The following KCTD16 variants were observed in gnomAD, a reference collection of about 807,000 sequenced individuals.
KCTD16 encodes potassium channel tetramerization domain containing 16.
In KCTD16, 13 loss-of-function variants were observed where a neutral mutation model predicts 33.2. The observed-to-expected ratio is 0.39, with a 90% CI of 0.25 to 0.62. The LOEUF is 0.62. Ranked by LOEUF, KCTD16 falls within the 20% of genes least tolerant of loss-of-function variation. KCTD16 has a pLI of 0.50. For missense variants in KCTD16, 441 were observed against 525.1 expected (o/e 0.84, Z 1.57); for synonymous variants, 197 against 195.3 (o/e 1.01, Z -0.07).
At chr5:144,355,846 G>A (rs572907316) in intron 3 of KCTD16, among the ~76,000 whole-genome samples, 1 of 152,156 alleles carries the variant, frequency 6.6e-6, no homozygotes, top group South Asian at 2.1e-4. Context: ...TGCTCAGAAT[G>A]TCCTTTTCGC....
At chr5:144,283,710 A>G (rs1755667671) in intron 3 of KCTD16, among the ~76,000 whole-genome samples, 1 of 152,212 alleles carries the variant, frequency 6.6e-6, no homozygotes, top group South Asian at 2.1e-4. Context: ...AAATTCCTTG[A>G]TGGAAATGAG....
chr5:144,334,274 G>C (rs1752425452), intron 3 of KCTD16, among the ~76,000 whole-genome samples: 1 of 152,190 alleles, frequency 6.6e-6, no homozygotes, highest in African/African-American at 2.4e-5. Flanking sequence ...ACACATAAAG[G>C]ATGGTGTCCT....
intron 3 of KCTD16, among the ~76,000 whole-genome samples, chr5:144,274,556 C>T (rs528661808): frequency 6.6e-6 from 1 of 152,266 alleles, no homozygotes; most frequent in African/African-American, 2.4e-5. Flanking sequence ...TATTCAGGGT[C>T]ATGACTACTC....
At chr5:144,418,027 C>T (rs1478720618) in intron 3 of KCTD16, among the ~76,000 whole-genome samples, 1 of 152,114 alleles carries the variant, frequency 6.6e-6, no homozygotes, top group Non-Finnish European at 1.5e-5. Context: ...GTCTTGCTGA[C>T]TTCAGGTGTG....
intron 2 of KCTD16, among the ~76,000 whole-genome samples, chr5:144,202,572 C>T (rs1182125782): frequency 6.6e-6 from 1 of 152,180 alleles, no homozygotes; most frequent in Non-Finnish European, 1.5e-5. Flanking sequence ...CCCCTGATCT[C>T]TCAGAAGGTG....
intron 3 of KCTD16, among the ~76,000 whole-genome samples, chr5:144,396,003 A>G (rs557370770): frequency 6.6e-6 from 1 of 152,340 alleles, no homozygotes; most frequent in East Asian, 1.9e-4. Flanking sequence ...GCAAGAGACT[A>G]TATGAATTGC....
chr5:144,391,532 G>A (rs948196892), intron 3 of KCTD16, among the ~76,000 whole-genome samples: 2 of 152,152 alleles, frequency 1.3e-5, no homozygotes, highest in African/African-American at 4.8e-5. Flanking sequence ...GAGACAGGAT[G>A]GTTTGTGGAA....
intron 3 of KCTD16, among the ~76,000 whole-genome samples, chr5:144,307,986 A>T (rs1179191837): frequency 2.0e-5 from 3 of 152,226 alleles, no homozygotes; most frequent in Non-Finnish European, 4.4e-5. Context: ...CCGAATGTTA[A>T]CCAGCACATT....
At chr5:144,274,074 T>G (rs1454825054) in intron 3 of KCTD16, among the ~76,000 whole-genome samples, 1 of 151,514 alleles carries the variant, frequency 6.6e-6, no homozygotes, top group East Asian at 1.9e-4. Flanking sequence ...CTTGGGCATT[T>G]TAAGAAAAAG....
chr5:144,299,092 C>CTATGTATATATATATATATATA (rs1561558302), intron 3 of KCTD16, among the ~76,000 whole-genome samples: 4 of 13,308 alleles, frequency 3.0e-4, no homozygotes, highest in African/African-American at 2.0e-3. Context: ...ATATATATCA[C>CTATGTATATATATATATATATA]TATGTATATA....
intron 3 of KCTD16, among the ~76,000 whole-genome samples, chr5:144,270,807 A>T (rs192356306): frequency 6.6e-6 from 1 of 151,920 alleles, no homozygotes; most frequent in Non-Finnish European, 1.5e-5. Flanking sequence ...AGAATACTCA[A>T]ATTACTAAAA....
rs142834500 is a variant in KCTD16, at chr5:144,448,518, AT to A, written c.833-25140del. 3.5e-3 allele frequency among the ~76,000 whole-genome samples: 531 copies of A among 152,170 alleles called. 2 individuals are homozygous for A. Among genetic ancestry groups the A allele is most frequent in the African/African-American group, 0.012 (512 of 41,546 alleles). ...TTTACCTCTCTGGTTGATGATTTAT[AT>A]TCGTAACACTGAGGCTGAAGTTGGA... On this transcript the variant is annotated intron_variant, in intron 3 of 3. Coordinates refer to ENST00000512467, the MANE Select transcript of KCTD16 (RefSeq NM_020768.4).
rs6864791 is a variant in KCTD16, at chr5:144,170,899, G to C, written c.-603G>C. ...GACCTAGGTGATGGAGGAAGACTGG[G>C]AGGCGCTAAAATGAGACAGACGGAG... is the stretch of plus-strand genomic sequence containing the variant. On this transcript the variant is annotated 5_prime_UTR_variant, in exon 1 of 4. Coordinates refer to ENST00000512467, the MANE Select transcript of KCTD16 (RefSeq NM_020768.4). The C allele has an allele frequency of 7.1e-6, 1 of 140,698 alleles. No individual in the cohort carries two copies. The highest frequency in any genetic ancestry group is 6.8e-5 in the Admixed American group (1 of 14,618). 8.7% of individuals were successfully genotyped at this position (140,698 alleles called of 1,614,324 possible).
intron 3 of KCTD16, chr5:144,369,372 C>G (rs1751915034): frequency 6.6e-6 from 1 of 152,168 alleles, no homozygotes. Flanking sequence ...CCCAGGTCCT[C>G]CGTATGAGAT....
chr5:144,221,773 TA>T (rs1437544689), intron 3 of KCTD16, among the ~76,000 whole-genome samples: 3 of 152,208 alleles, frequency 2.0e-5, no homozygotes, highest in African/African-American at 7.2e-5. Flanking sequence ...ATCCTTTGGG[TA>T]TATACCCAGT....
At chr5:144,322,527 A>T (rs1159453707) in intron 3 of KCTD16, among the ~76,000 whole-genome samples, 1 of 152,064 alleles carries the variant, frequency 6.6e-6, no homozygotes, top group African/African-American at 2.4e-5. Flanking sequence ...ACAAACAAAA[A>T]AAACAAAACA....
At chr5:144,300,142 A>G (rs952113465) in intron 3 of KCTD16, among the ~76,000 whole-genome samples, 11 of 152,136 alleles carry the variant, frequency 7.2e-5, no homozygotes, top group African/African-American at 2.7e-4. Flanking sequence ...TGTATTATTA[A>G]TATTACCAGA....
intron 3 of KCTD16, among the ~76,000 whole-genome samples, chr5:144,222,878 A>G (rs188617953): frequency 1.3e-5 from 2 of 152,348 alleles, no homozygotes; most frequent in East Asian, 3.9e-4. Flanking sequence ...AATAGCAAAG[A>G]CTTGGAACCA....
intron 3 of KCTD16, among the ~76,000 whole-genome samples, chr5:144,213,215 G>C (rs1753452259): frequency 1.3e-5 from 2 of 151,810 alleles, no homozygotes; most frequent in African/African-American, 2.4e-5. Flanking sequence ...TATTATATTT[G>C]TTTGCTAATT....
Sources: allele counts gnomAD v4.1 joint callset (sites outside exome capture counted in the v4.1 genomes callset), GRCh38; gene constraint gnomAD v4.1.1; transcripts MANE v1.5; gene names NCBI Gene and HGNC (gene_info 2026-07-23, HGNC 2026-07-21).